Variants in PRUNE2 observed in about 807,000 individuals in gnomAD.
The protein encoded by PRUNE2 is protein prune homolog 2.
A neutral mutation model predicts 252.0 loss-of-function variants in PRUNE2; 164 were observed. That is an observed-to-expected ratio of 0.65 (90% confidence interval 0.57 to 0.74). The LOEUF (loss-of-function observed/expected upper bound fraction) is 0.74, where lower values mean the gene tolerates loss of function less well. Ranked by LOEUF, PRUNE2 falls within the 30% of genes least tolerant of loss-of-function variation. The pLI, the probability that PRUNE2 is intolerant of heterozygous loss-of-function variation, is 0.00. For missense variants in PRUNE2, 3,495 were observed against 3,711.0 expected (o/e 0.94, Z 1.51); for synonymous variants, 1,292 against 1,350.2 (o/e 0.96, Z 0.94).
At chr9:76,741,979 T>G (rs73651000) in intron 6 of PRUNE2, among the ~76,000 whole-genome samples, 8,365 of 152,228 alleles carry the variant, frequency 0.055, 734 homozygotes, top group African/African-American at 0.19. Context: ...TAATAAAATG[T>G]TAACAACATA....
At chr9:76,727,645 C>CTTTTTTTTTT (rs577095894) in intron 6 of PRUNE2, among the ~76,000 whole-genome samples, 2 of 72,718 alleles carry the variant, frequency 2.8e-5, no homozygotes, top group Admixed American at 1.5e-4. Context: ...TCTTCTTCTT[C>CTTTTTTTTTT]TTTTTTTTTT....
intron 9 of PRUNE2, among the ~76,000 whole-genome samples, chr9:76,682,248 TTTAC>T (rs541592120): frequency 6.6e-6 from 1 of 151,634 alleles, no homozygotes. Flanking sequence ...AAAAACATAG[TTTAC>T]TTATAGAAAA....
At chr9:76,886,188 TAAAAAAA>T (rs755268467) in intron 1 of PRUNE2, among the ~76,000 whole-genome samples, 1 of 126,812 alleles carries the variant, frequency 7.9e-6, no homozygotes. Context: ...CCGTCTAAAT[TAAAAAAA>T]AAAAAAAAAG....
chr9:76,678,727 C>A (rs940805605), intron 9 of PRUNE2, among the ~76,000 whole-genome samples: 4 of 152,062 alleles, frequency 2.6e-5, no homozygotes, highest in African/African-American at 9.7e-5. Context: ...TACTTGGAGG[C>A]TGAGGCAGGA....
intron 9 of PRUNE2, among the ~76,000 whole-genome samples, chr9:76,664,067 C>G (rs753765820): frequency 3.5e-4 from 54 of 152,308 alleles, no homozygotes; most frequent in Admixed American, 9.1e-4. Context: ...CTTTGACACT[C>G]TTTTCAAAAG....
rs1321152308 is a variant in PRUNE2 at position 76,648,403 on chromosome 9, C to T, written c.8558-3494G>A. ...GCAGCTTCATTCATAATTGCCAAAACTTGGAAGCAGCCAAGACGTCCTTCA... is the reference window on the plus strand; with the variant it reads ...GCAGCTTCATTCATAATTGCCAAAATTTGGAAGCAGCCAAGACGTCCTTCA... On this transcript the variant is annotated intron_variant, in intron 11 of 18. Transcript: ENST00000376718. 2.6e-5 allele frequency among the ~76,000 whole-genome samples: 4 copies of T among 152,184 alleles called. No individual in the cohort carries two copies. In the South Asian group the frequency reaches 8.3e-4, roughly 32 times the overall value.
chr9:76,731,981 G>A (rs1205498188), intron 6 of PRUNE2, among the ~76,000 whole-genome samples: 1 of 152,150 alleles, frequency 6.6e-6, no homozygotes, highest in Non-Finnish European at 1.5e-5. Flanking sequence ...GCAAGCATCA[G>A]GTCCTCTAAG....
chr9:76,615,477 G>A (rs756709267), intron 18 of PRUNE2, among the ~76,000 whole-genome samples: 8 of 152,136 alleles, frequency 5.3e-5, no homozygotes, highest in Non-Finnish European at 1.2e-4. Flanking sequence ...TAAAGCCACT[G>A]GCAACTCACG....
chr9:76,754,372 A>G (rs1278946049), intron 6 of PRUNE2, among the ~76,000 whole-genome samples: 2 of 152,214 alleles, frequency 1.3e-5, no homozygotes, highest in Non-Finnish European at 2.9e-5. Context: ...GTCCCAGGAC[A>G]GCCCAACTTC....
intron 9 of PRUNE2, among the ~76,000 whole-genome samples, chr9:76,666,826 T>A (rs544187083): frequency 6.6e-6 from 1 of 152,170 alleles, no homozygotes. Flanking sequence ...CCACTGACCC[T>A]GTGGGGCTGG....
At chr9:76,635,234 A>T (rs1839511777) in intron 15 of PRUNE2, among the ~76,000 whole-genome samples, 1 of 152,134 alleles carries the variant, frequency 6.6e-6, no homozygotes, top group African/African-American at 2.4e-5. Context: ...GGCCTCCCAA[A>T]CTGCTGGGAT....
chr9:76,711,225 T>C lies in PRUNE2; in HGVS notation c.1049A>G (p.Lys350Arg), dbSNP rs1358863221. The C allele has an allele frequency of 3.1e-6, 5 of 1,613,862 alleles. No homozygotes were observed. The highest frequency in any genetic ancestry group is 2.5e-6 in the Non-Finnish European group (3 of 1,179,892). Residue 350 changes from lysine (K) to arginine (R), a missense_variant, in exon 8 of 19, where the codon AAG (lysine) becomes AGG (arginine). Coordinates refer to ENST00000376718, the MANE Select transcript of PRUNE2 (RefSeq NM_015225.3). ...VTCDQVVLVV[K>R]EVINRRCPEM... is the part of the protein sequence containing the mutation. ...TGGACACCTCCTGTTGATGACTTCC[T>C]TGACAACGAGAACCACCTGATCACA...
chr9:76,783,704 G>C (rs1179709141), intron 6 of PRUNE2: 1 of 152,120 alleles, frequency 6.6e-6, no homozygotes, highest in Admixed American at 6.5e-5. Context: ...TGTATTTCCA[G>C]GTGAGAAATA....
At chr9:76,696,250 G>A (rs1046675355) in intron 9 of PRUNE2, among the ~76,000 whole-genome samples, 4 of 152,118 alleles carry the variant, frequency 2.6e-5, no homozygotes, top group African/African-American at 9.7e-5. Context: ...ATCCTCCAAT[G>A]TACTGGAGAA....
At chr9:76,667,106 A>C (rs1335025181) in intron 9 of PRUNE2, among the ~76,000 whole-genome samples, 1 of 152,228 alleles carries the variant, frequency 6.6e-6, no homozygotes, top group Non-Finnish European at 1.5e-5. Flanking sequence ...AGCTTTTGTC[A>C]AAACATAATT....
Position 76,637,503 on chromosome 9 carries a change from T to C in PRUNE2, c.8878A>G (p.Ile2960Val), listed in dbSNP as rs1840681201. 1 of 1,613,136 alleles carries C rather than the reference T, an allele frequency of 6.2e-7. No individual in the cohort carries two copies. The highest frequency in any genetic ancestry group is 1.3e-5 in the African/African-American group (1 of 74,882). ...GGGGTTGCACCATTCAAGTACACAA[T>C]CATATAGTCTTCAGCTACCATCAAC... is the stretch of plus-strand genomic sequence containing the variant. The part of the protein sequence containing the change: ...LELMVAEDYM[I>V]VYLNGATPRR... Residue 2960 changes from isoleucine (I) to valine (V), a missense_variant, in exon 14 of 19, where the codon ATT (isoleucine) becomes GTT (valine). Transcript: ENST00000376718.
chr9:76,621,020 CCTT>C (rs1443298376), intron 17 of PRUNE2, among the ~76,000 whole-genome samples: 4 of 152,138 alleles, frequency 2.6e-5, no homozygotes, highest in Non-Finnish European at 5.9e-5. Context: ...GAGGAAATCA[CCTT>C]CTGAAGTCAA....
At chr9:76,766,558 G>A (rs1223637604) in intron 6 of PRUNE2, among the ~76,000 whole-genome samples, 1 of 152,108 alleles carries the variant, frequency 6.6e-6, no homozygotes, top group Non-Finnish European at 1.5e-5. Flanking sequence ...TTCATGGATA[G>A]TGCCTCTCCC....
chr9:76,731,273 T>TA, intron 6 of PRUNE2, among the ~76,000 whole-genome samples: 1 of 108,156 alleles, frequency 9.2e-6, no homozygotes. Context: ...AAACATATAT[T>TA]CCCTCTCTCT....
Sources: gnomAD v4.1 joint callset for allele counts (sites outside exome capture counted in the v4.1 genomes callset) on GRCh38, gnomAD v4.1.1 for gene constraint, MANE v1.5 for transcripts, NCBI Gene and HGNC (gene_info 2026-07-23, HGNC 2026-07-21) for gene names.